Variants in EXOSC3 observed in about 807,000 individuals in gnomAD.
EXOSC3 encodes the protein exosome complex component RRP40.
Under a neutral mutation model 25.1 loss-of-function variants are expected in EXOSC3, and 18 were observed. That is an observed-to-expected ratio of 0.72 (90% CI 0.50 to 1.06). The LOEUF (loss-of-function observed/expected upper bound fraction) is 1.06. EXOSC3 is among the 50% of genes least tolerant of loss of function. The probability of loss-of-function intolerance (pLI) is 0.00; values close to 1 mark genes in which losing one functional copy is unlikely to be tolerated. For missense variants in EXOSC3, 382 were observed against 350.9 expected (o/e 1.09, Z -0.71); for synonymous variants, 165 against 132.2 (o/e 1.25, Z -1.70).
In EXOSC3 at chr9:37,780,375, A is replaced by G. The variant is rs1394548938; in HGVS notation, c.*304T>C. 3.4e-6 allele frequency: 1 copy of G among 297,852 alleles called. No homozygotes were observed. Among genetic ancestry groups the G allele is most frequent in the African/African-American group, 2.2e-5 (1 of 44,956 alleles). 18.5% of individuals were successfully genotyped at this position (297,852 alleles called of 1,614,324 possible). ...CCTGGCTTACTGTTATAATCACAAA[A>G]TTATTTTACTGCTGACCTCCAGTTA... On this transcript the variant is annotated 3_prime_UTR_variant, in exon 4 of 4. Transcript: ENST00000327304.
In EXOSC3 at chr9:37,780,442, A is replaced by G. The variant is rs1589058553; in HGVS notation, c.*237T>C. The G allele has an allele frequency of 2.3e-6, 1 of 439,744 alleles. No homozygotes were observed. Among genetic ancestry groups the G allele is most frequent in the East Asian group, 4.2e-5 (1 of 23,912 alleles). The allele number at this position is 439,744 out of a possible 1,614,324, so 27.2% of individuals were successfully genotyped here. A position where few individuals can be genotyped will look rare whatever the true frequency, so the allele number is the denominator to read the frequency against. Reference sequence around the variant, plus strand: ...CAATTACTAAGGGAGTTAACTCCAAATAAACCCTAATACTGTTTTTTAGTA... The same window carrying G: ...CAATTACTAAGGGAGTTAACTCCAAGTAAACCCTAATACTGTTTTTTAGTA... On this transcript the variant is annotated 3_prime_UTR_variant, in exon 4 of 4. Coordinates refer to ENST00000327304, the MANE Select transcript of EXOSC3 (RefSeq NM_016042.4).
intron 1 of EXOSC3, 128 bp downstream of exon 1, chr9:37,784,593 G>A: frequency 9.5e-7 from 1 of 1,057,156 alleles, no homozygotes; most frequent in Non-Finnish European, 1.3e-6. Context: ...GTGGGCACAA[G>A]ACTACGGTGG....
rs1165846869 is a variant in EXOSC3, at chr9:37,785,006, C to G, written c.39G>C (p.Ala13=). Residue 13 remains alanine (A), a synonymous_variant, in exon 1 of 4, where the codon GCG becomes GCC. Coordinates refer to ENST00000327304, the MANE Select transcript of EXOSC3 (RefSeq NM_016042.4). ...EPASVAAESL[A]GSRARAARTV... ...TGCGTGCAGCGCGCGCCCTGCTGCC[C>G]GCGAGAGATTCAGCCGCGACAGACG... is the stretch of plus-strand genomic sequence containing the variant. 2 of 1,604,720 alleles carry G rather than the reference C, an allele frequency of 1.2e-6. No homozygotes were observed. Among genetic ancestry groups the G allele is most frequent in the Non-Finnish European group, 1.7e-6 (2 of 1,174,362 alleles).
Position 37,784,998 on chromosome 9 carries a change from C to T in EXOSC3, c.47G>A (p.Arg16Lys), listed in dbSNP as rs1828679429. The change falls in exon 1 of 4, where the codon AGG (arginine) becomes AAG (lysine). Residue 16 changes from arginine (R) to lysine (K), a missense_variant. Coordinates refer to ENST00000327304, the MANE Select transcript of EXOSC3 (RefSeq NM_016042.4). The stretch of plus-strand genomic sequence containing the variant: ...TAGTACTGTGCGTGCAGCGCGCGCC[C>T]TGCTGCCCGCGAGAGATTCAGCCGC... ...SVAAESLAGSRARAARTVLGQ... is the reference protein window; with the variant it reads ...SVAAESLAGSKARAARTVLGQ... 6.2e-7 allele frequency: 1 copy of T among 1,607,042 alleles called. No individual in the cohort carries two copies. The highest frequency in any genetic ancestry group is 1.3e-5 in the African/African-American group (1 of 74,828).
In EXOSC3 at chr9:37,785,019, G is replaced by C. The variant is rs1244869312; in HGVS notation, c.26C>G (p.Ala9Gly). MAEPASVA[A>G]ESLAGSRARA... ...CGCCCTGCTGCCCGCGAGAGATTCA[G>C]CCGCGACAGACGCAGGTTCGGCCAT... The change falls in exon 1 of 4, where the codon GCT becomes GGT. Residue 9 changes from alanine to glycine, a missense_variant. Physicochemically the swap from Ala to Gly is moderately conservative, Grantham distance 60. Coordinates refer to ENST00000327304, the MANE Select transcript of EXOSC3 (RefSeq NM_016042.4). 1.2e-6 allele frequency: 2 copies of C among 1,600,976 alleles called. No homozygotes were observed. The highest frequency in any genetic ancestry group is 1.7e-6 in the Non-Finnish European group (2 of 1,171,892).
chr9:37,784,132 AGTCCTTTGTG>A, intron 1 of EXOSC3, 69 bp from the exon 2 acceptor site: 1 of 1,508,514 alleles, frequency 6.6e-7, no homozygotes, highest in Non-Finnish European at 8.9e-7. Flanking sequence ...ACCTTCAGCA[AGTCCTTTGTG>A]GTTACTTTAT....
chr9:37,783,942 G>A lies in EXOSC3; in HGVS notation c.446C>T (p.Ala149Val), dbSNP rs1444958317. 1.6e-5 allele frequency: 26 copies of A among 1,612,498 alleles called. No homozygotes were observed. The highest frequency in any genetic ancestry group is 2.1e-5 in the Non-Finnish European group (25 of 1,179,842). ...CACATTTGGTCTGTTTCTTTTAGTT[G>A]CACCTTCAAATGACAAGTAAGACAA... is the stretch of plus-strand genomic sequence containing the variant. ...ASLSYLSFEG[A>V]TKRNRPNVQV... is the part of the protein sequence containing the mutation. Residue 149 changes from alanine to valine, a missense_variant, in exon 2 of 4, where the codon GCA (alanine) becomes GTA (valine). Coordinates refer to ENST00000327304, the MANE Select transcript of EXOSC3 (RefSeq NM_016042.4).
At chr9:37,783,435 T>C (rs1828637482) in intron 2 of EXOSC3, among the ~76,000 whole-genome samples, 1 of 152,190 alleles carries the variant, frequency 6.6e-6, no homozygotes, top group African/African-American at 2.4e-5. Flanking sequence ...AATTTCAGGC[T>C]GGATAGACAA....
At chr9:37,782,424 T>G (rs1828616110) in intron 2 of EXOSC3, among the ~76,000 whole-genome samples, 1 of 152,230 alleles carries the variant, frequency 6.6e-6, no homozygotes, top group African/African-American at 2.4e-5. Context: ...TTGTTTAAAC[T>G]TACATTTAAA....
At chr9:37,783,351 C>T (rs116223769) in intron 2 of EXOSC3, among the ~76,000 whole-genome samples, 56 of 152,100 alleles carry the variant, frequency 3.7e-4, no homozygotes, top group African/African-American at 1.2e-3. Flanking sequence ...GAGACAGAAT[C>T]AAATAGGATC....
intron 2 of EXOSC3, 38 bp from the exon 3 acceptor site, chr9:37,782,175 C>T: frequency 6.2e-7 from 1 of 1,609,366 alleles, no homozygotes; most frequent in East Asian, 2.2e-5. Flanking sequence ...TTCCTCTCAG[C>T]AAACTACAGG....
intron 3 of EXOSC3, among the ~76,000 whole-genome samples, chr9:37,781,235 T>C (rs1426071512): frequency 1.3e-5 from 2 of 151,972 alleles, no homozygotes; most frequent in Non-Finnish European, 2.9e-5. Flanking sequence ...CTGGCCATAT[T>C]ATTCTCTTGT....
In EXOSC3 at chr9:37,784,042, G is replaced by A. The variant is rs1200963997; in HGVS notation, c.346C>T (p.His116Tyr). 6.2e-7 allele frequency: 1 copy of A among 1,612,000 alleles called. No individual in the cohort carries two copies. The change falls in exon 2 of 4, where the codon CAT becomes TAT. Residue 116 changes from histidine (H) to tyrosine (Y), a missense_variant. Coordinates refer to ENST00000327304, the MANE Select transcript of EXOSC3 (RefSeq NM_016042.4). ...QKRYVPVKGD[H>Y]VIGIVTAKSG... ...TTAGCTGTCACTATGCCAATCACAT[G>A]GTCTCCTTTTACTGGAACATACTAC...
chr9:37,780,769 C>G lies in EXOSC3; in HGVS notation c.738G>C (p.Gln246His). Residue 246 changes from glutamine to histidine, a missense_variant, in exon 4 of 4, where the codon CAG becomes CAC. Coordinates refer to ENST00000327304, the MANE Select transcript of EXOSC3 (RefSeq NM_016042.4). ...CTAAAATGTTTGCCAAAATTAAAGTCTGCTGGATGGTTTTTGCCTTAACCC... is the reference window on the plus strand; with the variant it reads ...CTAAAATGTTTGCCAAAATTAAAGTGTGCTGGATGGTTTTTGCCTTAACCC... ...RIWVKAKTIQQTLILANILEA... is the reference protein window; with the variant it reads ...RIWVKAKTIQHTLILANILEA... The G allele has an allele frequency of 6.2e-7, 1 of 1,614,018 alleles. No homozygotes were observed. The highest frequency in any genetic ancestry group is 2.2e-5 in the East Asian group (1 of 44,872).
Position 37,783,996 on chromosome 9 carries a change from A to C in EXOSC3, c.392T>G (p.Val131Gly). 1 of 1,614,124 alleles carries C rather than the reference A, an allele frequency of 6.2e-7. No individual in the cohort carries two copies. The highest frequency in any genetic ancestry group is 8.5e-7 in the Non-Finnish European group (1 of 1,180,004). ...AGCTGGCTCACTCCCTCCAACATCA[A>C]CTTTGAATATATCTCCAGATTTAGC... ...VTAKSGDIFK[V>G]DVGGSEPASL... The change falls in exon 2 of 4, where the codon GTT becomes GGT. Residue 131 changes from valine to glycine, a missense_variant. Val to Gly is a moderately radical substitution (Grantham distance 109). Coordinates refer to ENST00000327304, the MANE Select transcript of EXOSC3 (RefSeq NM_016042.4).
chr9:37,780,070 G>A lies in EXOSC3; in HGVS notation c.*609C>T, dbSNP rs1056624228. 6.6e-6 allele frequency: 1 copy of A among 152,084 alleles called. No individual in the cohort carries two copies. The highest frequency in any genetic ancestry group is 1.5e-5 in the Non-Finnish European group (1 of 68,064). The allele number at this position is 152,084 out of a possible 1,614,324, so 9.4% of individuals were successfully genotyped here. Reference sequence around the variant, plus strand: ...GAAATGTATCATGCTGTTTGAAGTAGACAAAAGTATATTACAAAGTGGCAT... The same window carrying A: ...GAAATGTATCATGCTGTTTGAAGTAAACAAAAGTATATTACAAAGTGGCAT... On this transcript the variant is annotated 3_prime_UTR_variant, in exon 4 of 4. Coordinates refer to ENST00000327304, the MANE Select transcript of EXOSC3 (RefSeq NM_016042.4).
rs373191549 is a variant in EXOSC3 at position 37,785,055 on chromosome 9, A to G, written c.-11T>C. ...CGCAGGTTCGGCCATCGCGGGCTCC[A>G]CCAAACACCGTTTCCGGTACCCGCC... On this transcript the variant is annotated 5_prime_UTR_variant, in exon 1 of 4. Coordinates refer to ENST00000327304, the MANE Select transcript of EXOSC3 (RefSeq NM_016042.4). 6.1e-4 allele frequency: 966 copies of G among 1,586,466 alleles called. 1 individual carries two copies. The highest frequency in any genetic ancestry group is 8.0e-4 in the Non-Finnish European group (928 of 1,165,060).
chr9:37,784,370 T>C (rs1828659362), intron 1 of EXOSC3: 3 of 467,400 alleles, frequency 6.4e-6, no homozygotes, highest in Admixed American at 3.9e-5. Context: ...ATTTTTTCTA[T>C]ATGAAATTCT....
chr9:37,783,741 T>A (rs1812823705), intron 2 of EXOSC3, 173 bp downstream of exon 2: 2 of 458,430 alleles, frequency 4.4e-6, no homozygotes, highest in Non-Finnish European at 7.5e-6. Context: ...TAATAATAAT[T>A]ATGTGGCTCT....
Sources: gnomAD v4.1 joint callset for allele counts (sites outside exome capture counted in the v4.1 genomes callset) on GRCh38, gnomAD v4.1.1 for gene constraint, MANE v1.5 for transcripts, NCBI Gene and HGNC (gene_info 2026-07-23, HGNC 2026-07-21) for gene names.